IL13RA1: variants seen among roughly 807,000 people sequenced by gnomAD.
The protein encoded by IL13RA1 is interleukin-13 receptor subunit alpha-1.
A neutral mutation model predicts 33.8 loss-of-function variants in IL13RA1; 14 were observed. The observed-to-expected ratio is 0.41, with a 90% confidence interval of 0.27 to 0.65. The LOEUF (loss-of-function observed/expected upper bound fraction) is 0.65. Among genes scored for constraint, IL13RA1 ranks in the 30% least tolerant of loss-of-function variants. The pLI, the probability that IL13RA1 is intolerant of heterozygous loss-of-function variation, is 0.28. For missense variants in IL13RA1, 313 were observed against 327.0 expected (o/e 0.96, Z 0.33); for synonymous variants, 116 against 115.7 (o/e 1.00, Z -0.02).
At chrX:118,766,712 C>CAT in intron 7 of IL13RA1, 132 bp from the exon 8 acceptor site, 1 of 600,690 alleles carries the variant, frequency 1.7e-6, no homozygotes, top group Non-Finnish European at 2.7e-6. Flanking sequence ...TTCGAAAAGT[C>CAT]AAAGATAATT....
chrX:118,768,309 A>G (rs1292311642), intron 8 of IL13RA1, among the ~76,000 whole-genome samples: 5 of 112,058 alleles, frequency 4.5e-5, no homozygotes, highest in Non-Finnish European at 1.9e-5. Flanking sequence ...ACATACATTT[A>G]CCATCTCACA....
chrX:118,774,920 AT>A (rs2017765613), intron 9 of IL13RA1, among the ~76,000 whole-genome samples: 1 of 111,506 alleles, frequency 9.0e-6, no homozygotes, highest in Non-Finnish European at 1.9e-5. Flanking sequence ...TTGAGTGCCT[AT>A]TTGTGAACCA....
intron 1 of IL13RA1, among the ~76,000 whole-genome samples, chrX:118,738,672 G>T (rs2147366969): frequency 9.0e-6 from 1 of 110,770 alleles, no homozygotes; most frequent in African/African-American, 3.3e-5. Context: ...GAATAGTGCT[G>T]CAGTGAACAT....
chrX:118,760,749 G>A (rs1393420949), intron 5 of IL13RA1, among the ~76,000 whole-genome samples: 1 of 112,099 alleles, frequency 8.9e-6, no homozygotes, highest in Non-Finnish European at 1.9e-5. Context: ...TATATCTGCA[G>A]TTGTCTCTCA....
chrX:118,757,990 C>G (rs2017551835), intron 4 of IL13RA1, 65 bp from the exon 5 acceptor site: 1 of 741,623 alleles, frequency 1.3e-6, no homozygotes, highest in Admixed American at 2.5e-5. Context: ...CGCGCCCAGC[C>G]TGCTCTTATT....
intron 6 of IL13RA1, among the ~76,000 whole-genome samples, chrX:118,764,293 A>G (rs1386863590): frequency 9.4e-6 from 1 of 106,233 alleles, no homozygotes; most frequent in African/African-American, 3.4e-5. Flanking sequence ...TTTGAACAAG[A>G]GCCTAGAGAC....
At chrX:118,754,551 G>C (rs889809396) in intron 4 of IL13RA1, among the ~76,000 whole-genome samples, 1 of 110,057 alleles carries the variant, frequency 9.1e-6, no homozygotes, top group Non-Finnish European at 1.9e-5. Flanking sequence ...GCAGGAGAAT[G>C]GTGTGAACCC....
intron 6 of IL13RA1, among the ~76,000 whole-genome samples, chrX:118,764,796 T>C (rs1467353453): frequency 8.9e-6 from 1 of 111,974 alleles, no homozygotes; most frequent in African/African-American, 3.2e-5. Context: ...CATTACACTT[T>C]CTTTTCTCCA....
chrX:118,778,283 C>T (rs1442274852), intron 10 of IL13RA1, among the ~76,000 whole-genome samples: 1 of 111,593 alleles, frequency 9.0e-6, no homozygotes, highest in Non-Finnish European at 1.9e-5. Flanking sequence ...GGCAGAGAGG[C>T]AAATATGCTA....
chrX:118,786,449 G>C (rs1458974518), intron 10 of IL13RA1, among the ~76,000 whole-genome samples: 1 of 111,426 alleles, frequency 9.0e-6, no homozygotes, highest in Non-Finnish European at 1.9e-5. Flanking sequence ...TGCCCAGGCT[G>C]GTCTCAAATT....
intron 1 of IL13RA1, among the ~76,000 whole-genome samples, chrX:118,729,744 C>A (rs1569453400): frequency 8.9e-6 from 1 of 112,174 alleles, no homozygotes. Context: ...CTTGTAGGTG[C>A]TGTTATTAGT....
intron 4 of IL13RA1, among the ~76,000 whole-genome samples, chrX:118,752,267 A>G (rs924572040): frequency 6.3e-5 from 7 of 111,259 alleles, no homozygotes; most frequent in African/African-American, 2.0e-4. Context: ...ACTCGGTTGC[A>G]TCTGCCTCCA....
rs553913845 is a variant in IL13RA1, at chrX:118,754,004, T to C, written c.489-4051T>C. Among the ~76,000 whole-genome samples, 3 of 112,597 alleles carry C rather than the reference T, an allele frequency of 2.7e-5. No homozygotes were observed. In the Admixed American group the frequency reaches 2.8e-4, roughly 11 times the overall value. ...TAGTCTCGCCAACCACTTTCACAAG[T>C]GATGAGTGGCTCTTGTATTGGACAG... On this transcript the variant is annotated intron_variant, in intron 4 of 10. Transcript: ENST00000371666.
chrX:118,746,374 C>G (rs995780631), intron 2 of IL13RA1, among the ~76,000 whole-genome samples: 20 of 111,449 alleles, frequency 1.8e-4, no homozygotes, highest in South Asian at 3.7e-4. Context: ...CTCAGCCTCC[C>G]AAAGTGCTGG....
chrX:118,805,085 C>G, the IL13RA1 span, among the ~76,000 whole-genome samples: 4 of 111,907 alleles, frequency 3.6e-5, no homozygotes, highest in East Asian at 8.4e-4. Context: ...TTATCCCTCC[C>G]TAATTCCTGT....
intron 4 of IL13RA1, among the ~76,000 whole-genome samples, chrX:118,755,228 C>T (rs930261959): frequency 9.0e-6 from 1 of 110,909 alleles, no homozygotes; most frequent in South Asian, 3.8e-4. Flanking sequence ...GGATTACAGG[C>T]GTGACCCATG....
chrX:118,784,128 T>C (rs796583395), intron 10 of IL13RA1, among the ~76,000 whole-genome samples: 3,003 of 25,501 alleles, frequency 0.12, 390 homozygotes, highest in African/African-American at 0.3. Context: ...TGTATATATA[T>C]GTATATATAT....
chrX:118,775,113 G>A (rs747521080), intron 9 of IL13RA1, among the ~76,000 whole-genome samples: 19 of 111,414 alleles, frequency 1.7e-4, no homozygotes, highest in Non-Finnish European at 3.2e-4. Flanking sequence ...GATAGGAGGT[G>A]CATTTTATGT....
At chrX:118,786,046 C>T (rs760453451) in intron 10 of IL13RA1, among the ~76,000 whole-genome samples, 18 of 111,200 alleles carry the variant, frequency 1.6e-4, no homozygotes, top group South Asian at 3.7e-4. Context: ...GTGGATATAT[C>T]GTTCTGTTAT....
Sources: gnomAD v4.1 joint callset for allele counts (sites outside exome capture counted in the v4.1 genomes callset) on GRCh38, gnomAD v4.1.1 for gene constraint, MANE v1.5 for transcripts, NCBI Gene and HGNC (gene_info 2026-07-23, HGNC 2026-07-21) for gene names.